The following PRKD3 variants were observed in gnomAD, a reference collection of about 807,000 sequenced individuals.
PRKD3 encodes serine/threonine-protein kinase D3.
Under a neutral mutation model 99.2 loss-of-function variants are expected in PRKD3, and 47 were observed. That is an observed-to-expected ratio of 0.47 (90% CI 0.38 to 0.60). The LOEUF (loss-of-function observed/expected upper bound fraction) is 0.60, where lower values mean the gene tolerates loss of function less well. PRKD3 is among the 20% of genes least tolerant of loss of function. The probability of loss-of-function intolerance (pLI) is 0.00; values close to 1 mark genes in which losing one functional copy is unlikely to be tolerated. For missense variants in PRKD3, 1,019 were observed against 1,088.4 expected, an observed-to-expected ratio of 0.94 and a Z score of 0.90; for synonymous variants, 392 against 355.4, an observed-to-expected ratio of 1.10 and a Z score of -1.16.
chr2:37,282,321 T>C, intron 7 of PRKD3: 1 of 524,702 alleles, frequency 1.9e-6, no homozygotes, highest in Non-Finnish European at 3.4e-6. Context: ...CTGGCTATAT[T>C]AGACTACAAA....
At chr2:37,257,688 AAAAAAAG>A (rs1668086831) in intron 16 of PRKD3, among the ~76,000 whole-genome samples, 4 of 149,764 alleles carry the variant, frequency 2.7e-5, no homozygotes, top group Non-Finnish European at 5.9e-5. Context: ...AAAAAAAAAA[AAAAAAAG>A]TTACAGTATT....
rs1470510327 is a variant in PRKD3, at chr2:37,294,721, T to C, written c.289-1450A>G. 2.0e-5 allele frequency among the ~76,000 whole-genome samples: 3 copies of C among 152,224 alleles called. No homozygotes were observed. The South Asian group carries it at 6.2e-4, about 31-fold the overall frequency. On this transcript the variant is annotated intron_variant, in intron 2 of 18. Transcript: ENST00000234179. ...GAAATTATTCAGTTGGAGAATAAAA[T>C]ATCTTCATAACCTAGTTACAAAAAT... is the stretch of plus-strand genomic sequence containing the variant.
chr2:37,308,723 A>G (rs1268205902), intron 2 of PRKD3, among the ~76,000 whole-genome samples: 6 of 152,134 alleles, frequency 3.9e-5, no homozygotes, highest in Non-Finnish European at 8.8e-5. Flanking sequence ...CCAAAGTGCT[A>G]GGATCACAGA....
intron 2 of PRKD3, among the ~76,000 whole-genome samples, chr2:37,295,254 A>T (rs915387937): frequency 1.3e-5 from 2 of 152,160 alleles, no homozygotes; most frequent in African/African-American, 4.8e-5. Context: ...AATAAACACA[A>T]ATATATATAG....
At chr2:37,262,642 CTGTTT>C (rs1668551446) in intron 14 of PRKD3, among the ~76,000 whole-genome samples, 1 of 151,854 alleles carries the variant, frequency 6.6e-6, no homozygotes, top group Non-Finnish European at 1.5e-5. Context: ...TGAAATGTGA[CTGTTT>C]TGCTAGGCCA....
Position 37,250,837 on chromosome 2 carries a change from C to T in PRKD3, c.*2340G>A, listed in dbSNP as rs1402355472. 1 of 152,588 alleles carries T rather than the reference C, an allele frequency of 6.6e-6. No individual in the cohort carries two copies. Among genetic ancestry groups the T allele is most frequent in the Non-Finnish European group, 1.5e-5 (1 of 68,032 alleles). The allele number at this position is 152,588 out of a possible 1,614,324, so 9.5% of individuals were successfully genotyped here. A position where few individuals can be genotyped will look rare whatever the true frequency, so the allele number is the denominator to read the frequency against. ...CTACTTTGTACATTATCAAATGTTT[C>T]TAGCAATTACTTCTTTTACAAACAC... On this transcript the variant is annotated 3_prime_UTR_variant, in exon 19 of 19. Transcript: ENST00000234179.
chr2:37,316,639 CTTCT>C lies in PRKD3; in HGVS notation c.-119_-116del, dbSNP rs1671674925. ...CCGCACTTTTGGATTTAGTTGAAAACTTCTTTATTTCCTCTGTTAAGCCACTCAT... is the reference window on the plus strand; with the variant it reads ...CCGCACTTTTGGATTTAGTTGAAAACTTATTTCCTCTGTTAAGCCACTCAT... On this transcript the variant is annotated 5_prime_UTR_variant, in exon 2 of 19. It introduces an in-frame stop codon into an upstream open reading frame of the 5' UTR. Coordinates refer to ENST00000234179, the MANE Select transcript of PRKD3 (RefSeq NM_005813.6). 1 of 1,479,354 alleles carries C rather than the reference CTTCT, an allele frequency of 6.8e-7. No individual in the cohort carries two copies. Among genetic ancestry groups the C allele is most frequent in the East Asian group, 2.4e-5 (1 of 41,690 alleles). 91.6% of individuals were successfully genotyped at this position (1,479,354 alleles called of 1,614,324 possible). A position where few individuals can be genotyped will look rare whatever the true frequency, so the allele number is the denominator to read the frequency against.
In PRKD3 at chr2:37,250,800, A is replaced by C. The variant is rs1414488099; in HGVS notation, c.*2377T>G. 1 of 152,654 alleles carries C rather than the reference A, an allele frequency of 6.6e-6. No homozygotes were observed. The allele number at this position is 152,654 out of a possible 1,614,324, so 9.5% of individuals were successfully genotyped here. On this transcript the variant is annotated 3_prime_UTR_variant, in exon 19 of 19. Transcript: ENST00000234179. Reference sequence around the variant, plus strand: ...AAAAAATATTAAAAATGTACTGAACAGTCATTATAGACTACTTTGTACATT... The same window carrying C: ...AAAAAATATTAAAAATGTACTGAACCGTCATTATAGACTACTTTGTACATT...
At chr2:37,253,450 G>C in intron 18 of PRKD3, 100 bp from the exon 19 acceptor site, 1 of 979,640 alleles carries the variant, frequency 1.0e-6, no homozygotes, top group Non-Finnish European at 1.5e-6. Flanking sequence ...TAGTGCCCTA[G>C]TCAAATAATT....
rs999977311 is a variant in PRKD3, at chr2:37,257,030, C to T, written c.2146-101G>A. ...GTATGTATCATTTCAACATACTTGC[C>T]AGCTCTACTGATTATGAATATTAAT... On this transcript the variant is annotated intron_variant, in intron 16 of 18. Coordinates refer to ENST00000234179, the MANE Select transcript of PRKD3 (RefSeq NM_005813.6). The T allele has an allele frequency of 4.0e-6, 5 of 1,242,904 alleles. No homozygotes were observed. In the African/African-American group the frequency reaches 7.5e-5, roughly 19 times the overall value. 77.0% of individuals were successfully genotyped at this position (1,242,904 alleles called of 1,614,324 possible). A position where few individuals can be genotyped will look rare whatever the true frequency, so the allele number is the denominator to read the frequency against.
chr2:37,263,610 T>C (rs1668627472), intron 14 of PRKD3, among the ~76,000 whole-genome samples: 1 of 152,232 alleles, frequency 6.6e-6, no homozygotes, highest in South Asian at 2.1e-4. Context: ...TAAAGTGGCC[T>C]TCTTTCATTT....
chr2:37,320,342 G>A (rs1407351723), intron 1 of PRKD3, among the ~76,000 whole-genome samples: 5 of 150,382 alleles, frequency 3.3e-5, no homozygotes, highest in Non-Finnish European at 3.0e-5. Context: ...CAACGTATCT[G>A]ACTTAAGTAG....
intron 16 of PRKD3, among the ~76,000 whole-genome samples, chr2:37,257,910 G>C (rs947822335): frequency 3.3e-5 from 5 of 152,058 alleles, no homozygotes; most frequent in Middle Eastern, 3.2e-3. Context: ...GTTTAGATTT[G>C]AAAACAGTTA....
intron 2 of PRKD3, among the ~76,000 whole-genome samples, chr2:37,295,863 G>A (rs931164475): frequency 1.3e-5 from 2 of 152,130 alleles, no homozygotes; most frequent in Non-Finnish European, 2.9e-5. Flanking sequence ...ATTGTGTAGA[G>A]GAACAGGAAC....
At chr2:37,267,745 G>A in intron 13 of PRKD3, 1 of 480,658 alleles carries the variant, frequency 2.1e-6, no homozygotes, top group Non-Finnish European at 3.6e-6. Context: ...AAAGTCAGCT[G>A]CATTATCTAA....
intron 2 of PRKD3, among the ~76,000 whole-genome samples, chr2:37,308,601 CCTG>C (rs1243756566): frequency 1.3e-5 from 2 of 149,106 alleles, no homozygotes; most frequent in African/African-American, 4.9e-5. Context: ...ATTATAGGCA[CCTG>C]CCACCACACC....
intron 2 of PRKD3, among the ~76,000 whole-genome samples, chr2:37,311,720 C>A (rs77049270): frequency 0.028 from 4,280 of 152,196 alleles, 189 homozygotes; most frequent in African/African-American, 0.097. Flanking sequence ...TATACAATTT[C>A]AATATTTGAA....
intron 2 of PRKD3, among the ~76,000 whole-genome samples, chr2:37,294,212 C>CA (rs1304923252): frequency 3.3e-5 from 5 of 152,170 alleles, no homozygotes; most frequent in African/African-American, 1.2e-4. Context: ...CCTCCCACCT[C>CA]AGCCTCCCCA....
intron 1 of PRKD3, among the ~76,000 whole-genome samples, chr2:37,320,792 A>C (rs1002233590): frequency 6.6e-6 from 1 of 152,190 alleles, no homozygotes; most frequent in Non-Finnish European, 1.5e-5. Flanking sequence ...TATTATACCT[A>C]GTAATATTAG....
Sources: gnomAD v4.1 joint callset for allele counts (sites outside exome capture counted in the v4.1 genomes callset) on GRCh38, gnomAD v4.1.1 for gene constraint, MANE v1.5 for transcripts, NCBI Gene and HGNC (gene_info 2026-07-23, HGNC 2026-07-21) for gene names.